The following TBCEL variants were observed in gnomAD, a reference collection of about 807,000 sequenced individuals.
The protein encoded by TBCEL is tubulin-specific chaperone cofactor E-like protein.
In TBCEL, 15 loss-of-function variants were observed where a neutral mutation model predicts 44.2. The ratio of observed to expected loss-of-function variants is 0.34; its 90% confidence interval spans 0.23 to 0.52. The LOEUF is 0.52. TBCEL is among the 20% of genes least tolerant of loss of function. The pLI is 0.95. For synonymous variants in TBCEL, 171 were observed against 185.4 expected, an observed-to-expected ratio of 0.92 and a Z score of 0.63; for missense variants, 319 against 506.3, an observed-to-expected ratio of 0.63 and a Z score of 3.55.
chr11:121,068,477 T>A (rs1945863573), intron 8 of TBCEL, among the ~76,000 whole-genome samples: 1 of 152,134 alleles, frequency 6.6e-6, no homozygotes, highest in African/African-American at 2.4e-5. Context: ...CATCATATCT[T>A]ACTTGTGTTA....
chr11:121,055,359 G>A, intron 6 of TBCEL, 51 bp downstream of exon 6: 2 of 1,463,610 alleles, frequency 1.4e-6, no homozygotes, highest in Non-Finnish European at 1.8e-6. Context: ...CTGAGCATAT[G>A]CATGAAATAC....
At chr11:121,044,143 A>G (rs796666485) in intron 2 of TBCEL, among the ~76,000 whole-genome samples, 1 of 151,952 alleles carries the variant, frequency 6.6e-6, no homozygotes, top group East Asian at 1.9e-4. Context: ...TCTGCTTTCT[A>G]TTTATTCTAC....
chr11:121,068,266 CT>C (rs1450924870), intron 8 of TBCEL, among the ~76,000 whole-genome samples: 1 of 152,132 alleles, frequency 6.6e-6, no homozygotes, highest in Non-Finnish European at 1.5e-5. Context: ...CCCTAGCCCC[CT>C]GTGCCATAGC....
At chr11:121,036,245 T>C (rs557218746) in intron 1 of TBCEL, 32 of 152,334 alleles carry the variant, frequency 2.1e-4, no homozygotes, top group African/African-American at 7.7e-4. Context: ...ATGTATCTGA[T>C]CCTGCTTTGA....
At chr11:121,042,669 A>G (rs1178383256) in intron 2 of TBCEL, among the ~76,000 whole-genome samples, 1 of 152,122 alleles carries the variant, frequency 6.6e-6, no homozygotes, top group African/African-American at 2.4e-5. Context: ...TGTTCAGTGG[A>G]TGGGCATGTG....
intron 1 of TBCEL, among the ~76,000 whole-genome samples, chr11:121,024,565 G>A (rs1945011884): frequency 6.6e-6 from 1 of 152,148 alleles, no homozygotes; most frequent in Non-Finnish European, 1.5e-5. Flanking sequence ...GACTGGTCCC[G>A]GGTTGGAGGA....
intron 8 of TBCEL, among the ~76,000 whole-genome samples, chr11:121,086,344 G>A (rs1367010673): frequency 6.6e-6 from 1 of 152,162 alleles, no homozygotes; most frequent in Non-Finnish European, 1.5e-5. Flanking sequence ...TTGTTTATAA[G>A]TTATGGCTTC....
At chr11:121,033,428 A>T (rs1945177115) in intron 1 of TBCEL, among the ~76,000 whole-genome samples, 1 of 152,186 alleles carries the variant, frequency 6.6e-6, no homozygotes, top group Admixed American at 6.5e-5. Flanking sequence ...CAAGAAAAAG[A>T]TAAATGAAGA....
chr11:121,041,134 C>A (rs541437692), intron 2 of TBCEL, among the ~76,000 whole-genome samples: 2 of 152,236 alleles, frequency 1.3e-5, no homozygotes, highest in African/African-American at 4.8e-5. Context: ...ACAAAAGGAT[C>A]TATCTTATAT....
At chr11:121,054,796 T>C in intron 5 of TBCEL, 1 of 305,414 alleles carries the variant, frequency 3.3e-6, no homozygotes. Flanking sequence ...CTGCTTAATT[T>C]AGTACTTAAT....
chr11:121,085,168 A>G (rs2135025064), intron 8 of TBCEL, among the ~76,000 whole-genome samples: 1 of 151,962 alleles, frequency 6.6e-6, no homozygotes, highest in East Asian at 1.9e-4. Context: ...CCTCCTGAGT[A>G]GCTGGGACTA....
intron 4 of TBCEL, among the ~76,000 whole-genome samples, chr11:121,049,880 T>G (rs1348821254): frequency 1.3e-5 from 2 of 151,764 alleles, no homozygotes; most frequent in Non-Finnish European, 3.0e-5. Flanking sequence ...CTATGTTACA[T>G]TTTTCTCAAG....
chr11:121,025,342 C>T (rs1945026686), intron 1 of TBCEL, among the ~76,000 whole-genome samples: 1 of 151,920 alleles, frequency 6.6e-6, no homozygotes, highest in South Asian at 2.1e-4. Flanking sequence ...CTAAGGAAAA[C>T]ATTCACTCTT....
chr11:121,073,528 A>G (rs1188168336), intron 8 of TBCEL, among the ~76,000 whole-genome samples: 3 of 151,480 alleles, frequency 2.0e-5, no homozygotes, highest in Non-Finnish European at 4.4e-5. Flanking sequence ...GTTAATCTTC[A>G]TTTTCTTTTG....
chr11:121,025,716 A>ATTTTT (rs35047977), intron 1 of TBCEL, among the ~76,000 whole-genome samples: 1 of 144,438 alleles, frequency 6.9e-6, no homozygotes, highest in Non-Finnish European at 1.5e-5. Flanking sequence ...AAGGAGATGG[A>ATTTTT]TTTTTTTTTT....
At chr11:121,039,653 T>C (rs1945296456) in intron 2 of TBCEL, among the ~76,000 whole-genome samples, 1 of 152,228 alleles carries the variant, frequency 6.6e-6, no homozygotes, top group African/African-American at 2.4e-5. Context: ...GAAAACAATG[T>C]ATTTGTTGTC....
intron 3 of TBCEL, among the ~76,000 whole-genome samples, chr11:121,047,260 T>C (rs564472404): frequency 3.3e-5 from 5 of 152,114 alleles, no homozygotes; most frequent in African/African-American, 9.6e-5. Context: ...TTGTTGGTAA[T>C]TGAGATAAAC....
At chr11:121,044,523 C>G (rs1017207009) in intron 2 of TBCEL, among the ~76,000 whole-genome samples, 2 of 152,092 alleles carry the variant, frequency 1.3e-5, no homozygotes, top group Admixed American at 1.3e-4. Flanking sequence ...CCCTTCTTCT[C>G]TGAGTACTCC....
At chr11:121,077,690 T>C (rs1447412445) in intron 8 of TBCEL, among the ~76,000 whole-genome samples, 5 of 152,034 alleles carry the variant, frequency 3.3e-5, no homozygotes, top group Non-Finnish European at 7.4e-5. Context: ...TATAGTTTTT[T>C]TAAGCATAGA....
Sources: allele counts gnomAD v4.1 joint callset (sites outside exome capture counted in the v4.1 genomes callset), GRCh38; gene constraint gnomAD v4.1.1; transcripts MANE v1.5; gene names NCBI Gene and HGNC (gene_info 2026-07-23, HGNC 2026-07-21).